The following CLSTN1 variants were observed in gnomAD, a reference collection of about 807,000 sequenced individuals.
The protein encoded by CLSTN1 is calsyntenin-1.
A neutral mutation model predicts 108.3 loss-of-function variants in CLSTN1; 28 were observed. The observed-to-expected ratio is 0.26, with a 90% confidence interval of 0.19 to 0.35. The LOEUF (loss-of-function observed/expected upper bound fraction) is 0.35, where lower values mean the gene tolerates loss of function less well. CLSTN1 is among the 10% of genes least tolerant of loss of function. The probability of loss-of-function intolerance (pLI) is 1.00; values close to 1 mark genes in which losing one functional copy is unlikely to be tolerated. For synonymous variants in CLSTN1, 524 were observed against 534.9 expected (o/e 0.98, Z 0.28); for missense variants, 1,157 against 1,302.6 (o/e 0.89, Z 1.72).
At chr1:9,811,376 C>T (rs1236950107) in intron 1 of CLSTN1, among the ~76,000 whole-genome samples, 1 of 152,152 alleles carries the variant, frequency 6.6e-6, no homozygotes, top group Admixed American at 6.6e-5. Context: ...AGGCGGCTCT[C>T]GTACACTTGG....
chr1:9,796,519 CAA>C (rs746579249), intron 1 of CLSTN1, among the ~76,000 whole-genome samples: 8 of 117,500 alleles, frequency 6.8e-5, no homozygotes, highest in Non-Finnish European at 9.0e-5. Context: ...ACTAAACATA[CAA>C]AAAAAAAAAA....
intron 1 of CLSTN1, among the ~76,000 whole-genome samples, chr1:9,821,004 T>C (rs777689708): frequency 5.3e-5 from 8 of 152,254 alleles, no homozygotes; most frequent in Non-Finnish European, 1.2e-4. Context: ...TTGCATTTTT[T>C]AAATATTCAT....
intron 8 of CLSTN1, among the ~76,000 whole-genome samples, 195 bp from the exon 9 acceptor site, chr1:9,744,200 C>T (rs1017324932): frequency 3.3e-5 from 5 of 152,240 alleles, no homozygotes; most frequent in African/African-American, 1.2e-4. Flanking sequence ...GTGGACCCCA[C>T]TGAGCAACAA....
intron 2 of CLSTN1, among the ~76,000 whole-genome samples, chr1:9,757,232 T>G (rs556020978): frequency 6.6e-6 from 1 of 151,826 alleles, no homozygotes; most frequent in African/African-American, 2.4e-5. Flanking sequence ...AAACAAAAAT[T>G]TGGAGCAAAA....
chr1:9,820,154 G>A (rs1655137536), intron 1 of CLSTN1, among the ~76,000 whole-genome samples: 1 of 152,054 alleles, frequency 6.6e-6, no homozygotes, highest in Admixed American at 6.6e-5. Flanking sequence ...AATTACAGGG[G>A]TGAGCCACCG....
In CLSTN1 at chr1:9,788,884, A is replaced by C. The variant is rs867581477; in HGVS notation, c.92-15490T>G. Reference sequence around the variant, plus strand: ...CTCCGTCTCAAAAAAAAAAAAAAAAAAAAACAAAAGGAATTTGACTATTCT... The same window carrying C: ...CTCCGTCTCAAAAAAAAAAAAAAAACAAAACAAAAGGAATTTGACTATTCT... On this transcript the variant is annotated intron_variant, in intron 1 of 18. Coordinates refer to ENST00000377298, the MANE Select transcript of CLSTN1 (RefSeq NM_001009566.3). Among the ~76,000 whole-genome samples, 45 of 151,314 alleles carry C rather than the reference A, an allele frequency of 3.0e-4. 2 individuals are homozygous for C. In the South Asian group the frequency reaches 5.5e-3, roughly 18 times the overall value.
chr1:9,743,128 T>G (rs1178013657), intron 9 of CLSTN1, among the ~76,000 whole-genome samples: 1 of 152,242 alleles, frequency 6.6e-6, no homozygotes, highest in African/African-American at 2.4e-5. Context: ...GCCAAAGGTT[T>G]CCTTCTCATC....
At chr1:9,747,176 CAAAAAAAAAAAAA>C (rs70998306) in intron 7 of CLSTN1, among the ~76,000 whole-genome samples, 2 of 32,724 alleles carry the variant, frequency 6.1e-5, no homozygotes, top group Admixed American at 3.4e-4. Context: ...GAGACTGTCT[CAAAAAAAAAAAAA>C]AAAAAAAAAA....
At chr1:9,819,278 G>T (rs1655105776) in intron 1 of CLSTN1, among the ~76,000 whole-genome samples, 1 of 152,024 alleles carries the variant, frequency 6.6e-6, no homozygotes, top group East Asian at 1.9e-4. Flanking sequence ...ATACTTTCCT[G>T]TCTCAGAAAG....
At chr1:9,820,395 T>C (rs1655147552) in intron 1 of CLSTN1, among the ~76,000 whole-genome samples, 1 of 152,094 alleles carries the variant, frequency 6.6e-6, no homozygotes. Context: ...GGCATATGCC[T>C]GTAGTCCCAG....
intron 1 of CLSTN1, among the ~76,000 whole-genome samples, chr1:9,786,040 T>G (rs1653469501): frequency 6.6e-6 from 1 of 151,850 alleles, no homozygotes. Flanking sequence ...TAGCCAGGCA[T>G]GGTGGTACAC....
In CLSTN1 at chr1:9,788,491, C is replaced by T. The variant is rs183834722; in HGVS notation, c.92-15097G>A. ...ACTGAGGCAGGACAATCGCTTGAAC[C>T]CAGGAGGCGGAGGTTGCAGTGAGCT... On this transcript the variant is annotated intron_variant, in intron 1 of 18. Transcript: ENST00000377298. Among the ~76,000 whole-genome samples, 349 of 151,104 alleles carry T rather than the reference C, an allele frequency of 2.3e-3. 1 individual carries two copies. The highest frequency in any genetic ancestry group is 4.3e-3 in the Non-Finnish European group (290 of 67,966).
At chr1:9,742,210 C>T (rs921967554) in intron 9 of CLSTN1, among the ~76,000 whole-genome samples, 1 of 152,042 alleles carries the variant, frequency 6.6e-6, no homozygotes, top group Non-Finnish European at 1.5e-5. Context: ...AGAAATTTTA[C>T]TGTTAGGTTT....
intron 1 of CLSTN1, among the ~76,000 whole-genome samples, chr1:9,816,374 T>C (rs1654969838): frequency 1.3e-5 from 2 of 152,056 alleles, no homozygotes; most frequent in African/African-American, 2.4e-5. Context: ...TGGAGAATGA[T>C]TGCTAACAGA....
At chr1:9,796,260 CAAAAACAAAAAA>C (rs201168661) in intron 1 of CLSTN1, among the ~76,000 whole-genome samples, 2,615 of 29,196 alleles carry the variant, frequency 0.09, 79 homozygotes, top group African/African-American at 0.18. Context: ...AGACTGTCTC[CAAAAACAAAAAA>C]AAAAACAAAA....
intron 6 of CLSTN1, 33 bp downstream of exon 6, chr1:9,749,731 A>G (rs1409869101): frequency 1.6e-5 from 25 of 1,612,674 alleles, no homozygotes; most frequent in Non-Finnish European, 2.0e-5. Flanking sequence ...TTTTAAGAGC[A>G]GATGTGAGCG....
chr1:9,737,615 G>T, intron 10 of CLSTN1, 61 bp from the exon 11 acceptor site: 6 of 1,497,634 alleles, frequency 4.0e-6, no homozygotes, highest in Non-Finnish European at 5.6e-6. Flanking sequence ...CTTCAAACCG[G>T]ACCTTGAAAA....
chr1:9,778,254 ACAC>A (rs1653053345), intron 1 of CLSTN1, among the ~76,000 whole-genome samples: 1 of 151,746 alleles, frequency 6.6e-6, no homozygotes. Context: ...ACACACACAC[ACAC>A]ACACACACAC....
At chr1:9,816,053 CA>C (rs553094221) in intron 1 of CLSTN1, among the ~76,000 whole-genome samples, 10 of 152,206 alleles carry the variant, frequency 6.6e-5, no homozygotes, top group Admixed American at 5.2e-4. Flanking sequence ...AATTCCTGTA[CA>C]AAAATGTTCA....
Sources: allele counts gnomAD v4.1 joint callset (sites outside exome capture counted in the v4.1 genomes callset), GRCh38; gene constraint gnomAD v4.1.1; transcripts MANE v1.5; gene names NCBI Gene and HGNC (gene_info 2026-07-23, HGNC 2026-07-21).